EFCAB8: variants seen among roughly 807,000 people sequenced by gnomAD.
EFCAB8 encodes EF-hand calcium binding domain 8.
In EFCAB8, 100 loss-of-function variants were observed where a neutral mutation model predicts 116.3. That is an observed-to-expected ratio of 0.86 (90% CI 0.73 to 1.02). The LOEUF (loss-of-function observed/expected upper bound fraction) is 1.02. Ranked by LOEUF, EFCAB8 falls within the 50% of genes least tolerant of loss-of-function variation. The pLI, the probability that EFCAB8 is intolerant of heterozygous loss-of-function variation, is 0.00. For missense variants in EFCAB8, 1,320 were observed against 1,416.9 expected, an observed-to-expected ratio of 0.93 and a Z score of 1.10; for synonymous variants, 558 against 567.9, an observed-to-expected ratio of 0.98 and a Z score of 0.25.
intron 5 of EFCAB8, among the ~76,000 whole-genome samples, chr20:32,882,527 G>A (rs1282818716): frequency 1.3e-5 from 2 of 152,108 alleles, no homozygotes; most frequent in African/African-American, 4.8e-5. Flanking sequence ...TATTTTTTGG[G>A]ATTTTATTTT....
At chr20:32,919,861 C>T (rs1987364771) in intron 19 of EFCAB8, among the ~76,000 whole-genome samples, 1 of 152,144 alleles carries the variant, frequency 6.6e-6, no homozygotes, top group African/African-American at 2.4e-5. Flanking sequence ...TCCCCAGAGG[C>T]AAACTCAAGT....
chr20:32,862,995 C>G (rs1568893901), intron 1 of EFCAB8, among the ~76,000 whole-genome samples: 2 of 139,634 alleles, frequency 1.4e-5, no homozygotes, highest in Non-Finnish European at 3.1e-5. Context: ...ATTCAAGATT[C>G]TACTTTTTGC....
Position 32,912,794 on chromosome 20 carries a change from A to G in EFCAB8, c.1786A>G (p.Ile596Val), listed in dbSNP as rs1803170263. Residue 596 changes from isoleucine (I) to valine (V), a missense_variant and splice_region_variant, in exon 17 of 27, where the codon ATT becomes GTT. By Grantham distance (29) the Ile-to-Val change is conservative. Transcript: ENST00000400522. The stretch of plus-strand genomic sequence containing the variant: ...TTCTGTTTTCTTTCATCTTCAACAG[A>G]TTAGTGGGATTATCCATATGAACAA... Reference protein sequence around the residue: ...LTFPSPEQLEISGIIHMNKVF... With the variant: ...LTFPSPEQLEVSGIIHMNKVF... The G allele has an allele frequency of 5.6e-6, 4 of 718,832 alleles. No homozygotes were observed. Among genetic ancestry groups the G allele is most frequent in the South Asian group, 4.4e-5 (3 of 67,556 alleles). 44.5% of individuals were successfully genotyped at this position (718,832 alleles called of 1,614,324 possible). A position where few individuals can be genotyped will look rare whatever the true frequency, so the allele number is the denominator to read the frequency against.
chr20:32,948,581 A>AAAG, intron 23 of EFCAB8, among the ~76,000 whole-genome samples: 1 of 142,750 alleles, frequency 7.0e-6, no homozygotes, highest in East Asian at 2.1e-4. Context: ...AGAAAGAAAG[A>AAAG]AAAGAAAGGA....
chr20:32,898,457 G>A, intron 10 of EFCAB8, 36 bp from the exon 11 acceptor site: 1 of 707,786 alleles, frequency 1.4e-6, no homozygotes, highest in Non-Finnish European at 2.7e-6. Flanking sequence ...AGTTGTCCTT[G>A]GGTGGAGTCT....
intron 17 of EFCAB8, among the ~76,000 whole-genome samples, chr20:32,915,261 A>G (rs1987132924): frequency 6.6e-6 from 1 of 152,128 alleles, no homozygotes; most frequent in Non-Finnish European, 1.5e-5. Flanking sequence ...GTTGCATTTT[A>G]TTATAAGTTG....
At chr20:32,863,306 G>GT (rs1191022145) in intron 1 of EFCAB8, among the ~76,000 whole-genome samples, 2 of 152,154 alleles carry the variant, frequency 1.3e-5, no homozygotes, top group African/African-American at 2.4e-5. Context: ...GCAGAGCTCT[G>GT]TTCTGTCTGC....
chr20:32,889,194 C>G, intron 6 of EFCAB8, 107 bp from the exon 7 acceptor site: 2 of 897,890 alleles, frequency 2.2e-6, no homozygotes, highest in Non-Finnish European at 3.5e-6. Context: ...GGCTCCATGC[C>G]AGGTCTGTGG....
Position 32,917,439 on chromosome 20 carries a change from C to G in EFCAB8, c.1995C>G (p.Thr665=). ...SYSGDILFWN[T]GTLKPIFNFN... is the part of the protein sequence containing the mutation. The stretch of plus-strand genomic sequence containing the variant: ...GTGGGGACATCCTCTTCTGGAACAC[C>G]GGCACACTCAAGCCCATCTTCAACT... The change falls in exon 18 of 27, where the codon ACC becomes ACG. Residue 665 remains threonine, a synonymous_variant. Coordinates refer to ENST00000400522, the MANE Select transcript of EFCAB8 (RefSeq NM_001143967.2). 7 of 1,552,088 alleles carry G rather than the reference C, an allele frequency of 4.5e-6. No homozygotes were observed. The highest frequency in any genetic ancestry group is 5.2e-6 in the Non-Finnish European group (6 of 1,147,070).
At chr20:32,898,381 G>GA in intron 10 of EFCAB8, 112 bp from the exon 11 acceptor site, 1 of 628,016 alleles carries the variant, frequency 1.6e-6, no homozygotes, top group South Asian at 1.9e-5. Context: ...AAGGGCATTA[G>GA]ACTCCGTGAT....
chr20:32,910,929 G>T (rs1014019853), intron 15 of EFCAB8, among the ~76,000 whole-genome samples: 1 of 151,848 alleles, frequency 6.6e-6, no homozygotes, highest in Non-Finnish European at 1.5e-5. Flanking sequence ...GTAGAGACAG[G>T]GTTTCAGCAT....
chr20:32,952,073 A>C (rs922748229), intron 23 of EFCAB8, among the ~76,000 whole-genome samples: 2 of 152,128 alleles, frequency 1.3e-5, no homozygotes, highest in African/African-American at 4.8e-5. Flanking sequence ...CAGCCTGGGC[A>C]ACATAGTGAG....
chr20:32,880,272 C>CT (rs35227113), intron 5 of EFCAB8, among the ~76,000 whole-genome samples: 60,396 of 145,588 alleles, frequency 0.41, 14,297 homozygotes, highest in Non-Finnish European at 0.55. Flanking sequence ...CCAAGGGTAA[C>CT]TTTTTTTTTT....
chr20:32,881,715 TC>T (rs1392190678), intron 5 of EFCAB8, among the ~76,000 whole-genome samples: 1 of 152,116 alleles, frequency 6.6e-6, no homozygotes, highest in Non-Finnish European at 1.5e-5. Flanking sequence ...AGCGAGTGCC[TC>T]CCCTCAGTCC....
chr20:32,877,318 C>T (rs111981494), intron 4 of EFCAB8, among the ~76,000 whole-genome samples: 2 of 146,816 alleles, frequency 1.4e-5, no homozygotes, highest in Admixed American at 7.2e-5. Context: ...AAGTGATTCT[C>T]CTGCCTCAGC....
chr20:32,866,869 CT>C lies in EFCAB8; in HGVS notation c.43-710del, dbSNP rs1408311432. 3.3e-3 allele frequency among the ~76,000 whole-genome samples: 456 copies of C among 138,474 alleles called. 3 individuals are homozygous for C. Among genetic ancestry groups the C allele is most frequent in the African/African-American group, 0.012 (439 of 37,546 alleles). The allele number at this position is 138,474 out of a possible 152,430, so 90.8% of individuals were successfully genotyped here. A position where few individuals can be genotyped will look rare whatever the true frequency, so the allele number is the denominator to read the frequency against. On this transcript the variant is annotated intron_variant, in intron 2 of 26. Transcript: ENST00000400522. ...CCTTTCTTTCTCTCTCTCTTTCTTT[CT>C]TTCCTTCCTTCCTTCCTTTCTTTCT... is the stretch of plus-strand genomic sequence containing the variant.
intron 23 of EFCAB8, among the ~76,000 whole-genome samples, chr20:32,955,775 A>G (rs113676086): frequency 2.9e-4 from 44 of 152,262 alleles, no homozygotes; most frequent in Middle Eastern, 3.4e-3. Context: ...GTCCTGCCTC[A>G]CATGTGCAAA....
At chr20:32,891,698 G>A (rs915075557) in intron 7 of EFCAB8, among the ~76,000 whole-genome samples, 21 of 152,222 alleles carry the variant, frequency 1.4e-4, no homozygotes, top group African/African-American at 5.1e-4. Flanking sequence ...ACAGCCCTCT[G>A]GGGTGGCCGG....
At chr20:32,880,385 CAGCGTCCCAAGT>C (rs1729669017) in intron 5 of EFCAB8, among the ~76,000 whole-genome samples, 1 of 152,048 alleles carries the variant, frequency 6.6e-6, no homozygotes, top group African/African-American at 2.4e-5. Context: ...TCTCCCGCCT[CAGCGTCCCAAGT>C]AGCTGGGATT....
Sources: allele counts gnomAD v4.1 joint callset (sites outside exome capture counted in the v4.1 genomes callset), GRCh38; gene constraint gnomAD v4.1.1; transcripts MANE v1.5; gene names NCBI Gene and HGNC (gene_info 2026-07-23, HGNC 2026-07-21).